The following NOTCH1 variants were observed in gnomAD, a reference collection of about 807,000 sequenced individuals.
NOTCH1 encodes the protein neurogenic locus notch homolog protein 1.
NOTCH1 carries 37 observed loss-of-function variants against 254.8 expected under a neutral mutation model. That is an observed-to-expected ratio of 0.15 (90% CI 0.11 to 0.19). NOTCH1 has a LOEUF of 0.19. NOTCH1 is among the 10% of genes least tolerant of loss of function. The pLI, the probability that NOTCH1 is intolerant of heterozygous loss-of-function variation, is 1.00. For synonymous variants in NOTCH1, 1,731 were observed against 1,618.1 expected (o/e 1.07, Z -1.68); for missense variants, 2,972 against 3,708.6 (o/e 0.80, Z 5.16).
chr9:136,521,686 T>C (rs933782096), intron 4 of NOTCH1, among the ~76,000 whole-genome samples: 4 of 151,896 alleles, frequency 2.6e-5, no homozygotes, highest in Non-Finnish European at 4.4e-5. Flanking sequence ...GGCCAGGGAG[T>C]GTCTGTCCCC....
rs2133377659 is a variant in NOTCH1, at chr9:136,523,035, G to A, written c.557C>T (p.Pro186Leu). 3 of 1,554,318 alleles carry A rather than the reference G, an allele frequency of 1.9e-6. No homozygotes were observed. Among genetic ancestry groups the A allele is most frequent in the Non-Finnish European group, 1.7e-6 (2 of 1,149,400 alleles). ...RQDVNECGQK[P>L]GLCRHGGTCH... Reference sequence around the variant, plus strand: ...GGTGCCTCCGTGGCGGCAAAGCCCGGGCTTCTGGCCACACTCGTTGACATC... The same window carrying A: ...GGTGCCTCCGTGGCGGCAAAGCCCGAGCTTCTGGCCACACTCGTTGACATC... Residue 186 changes from proline (P) to leucine (L), a missense_variant, in exon 4 of 34, where the codon CCC becomes CTC. Physicochemically the swap from Pro to Leu is moderately conservative, Grantham distance 98. Around this residue, in one of 8 missense-constraint regions of NOTCH1, gnomAD observed 374 missense variants for 496.3 expected, o/e 0.75. Coordinates refer to ENST00000651671, the MANE Select transcript of NOTCH1 (RefSeq NM_017617.5).
intron 33 of NOTCH1, among the ~76,000 whole-genome samples, chr9:136,498,262 C>T (rs1214214434): frequency 1.1e-5 from 1 of 94,032 alleles, no homozygotes; most frequent in African/African-American, 4.3e-5. Flanking sequence ...GTTCTGGCGG[C>T]AGGGAGGTGG....
intron 22 of NOTCH1, 72 bp from the exon 23 acceptor site, chr9:136,507,045 G>C: frequency 4.5e-6 from 7 of 1,564,066 alleles, no homozygotes; most frequent in African/African-American, 1.4e-5. Flanking sequence ...TGTCCGTCCC[G>C]GAAGACGAGC....
chr9:136,535,834 G>T, intron 2 of NOTCH1, among the ~76,000 whole-genome samples: 1 of 118,076 alleles, frequency 8.5e-6, no homozygotes, highest in Non-Finnish European at 1.8e-5. Flanking sequence ...GGTGGGTGGA[G>T]GGGGGATCAC....
At chr9:136,531,221 C>G (rs1167583892) in intron 2 of NOTCH1, among the ~76,000 whole-genome samples, 2 of 152,252 alleles carry the variant, frequency 1.3e-5, no homozygotes, top group African/African-American at 2.4e-5. Context: ...TTTCCAAGCT[C>G]TGTCTCATGG....
intron 26 of NOTCH1, 138 bp downstream of exon 26, chr9:136,504,535 C>T: frequency 5.0e-6 from 5 of 1,004,938 alleles, no homozygotes; most frequent in Non-Finnish European, 7.1e-6. Flanking sequence ...CCCAGGTCCT[C>T]TCGGAACCTC....
chr9:136,536,372 C>T (rs550912742), intron 2 of NOTCH1, among the ~76,000 whole-genome samples: 1 of 152,312 alleles, frequency 6.6e-6, no homozygotes, highest in South Asian at 2.1e-4. Context: ...TCTCCTGTCA[C>T]ACGGGCCTGG....
intron 13 of NOTCH1, 43 bp downstream of exon 13, chr9:136,514,467 G>A (rs1255624321): frequency 1.3e-6 from 2 of 1,538,958 alleles, no homozygotes; most frequent in Non-Finnish European, 1.7e-6. Context: ...GAGCTCCCAG[G>A]GTTTAGGACT....
chr9:136,537,345 G>C (rs1354274986), intron 2 of NOTCH1, among the ~76,000 whole-genome samples: 1 of 152,194 alleles, frequency 6.6e-6, no homozygotes, highest in Non-Finnish European at 1.5e-5. Flanking sequence ...CACGCTCAGT[G>C]AAAGAAGCCA....
chr9:136,508,833 C>G lies in NOTCH1; in HGVS notation c.3171+37G>C, dbSNP rs1242066653. ...CCCGCAGGTAGGCACCCACCCAGGG[C>G]CCCTCCTTCGGGCACCTCTGTGGCC... On this transcript the variant is annotated intron_variant, in intron 19 of 33. Transcript: ENST00000651671. 3 of 1,520,880 alleles carry G rather than the reference C, an allele frequency of 2.0e-6. No homozygotes were observed. The African/African-American group carries it at 4.1e-5, about 21-fold the overall frequency. 94.2% of individuals were successfully genotyped at this position (1,520,880 alleles called of 1,614,324 possible). A position where few individuals can be genotyped will look rare whatever the true frequency, so the allele number is the denominator to read the frequency against.
At position 136,503,340 on chromosome 9, in the gene NOTCH1, C is replaced by A. The variant is rs748043575; in HGVS notation, c.5019-10G>T. On this transcript the variant is annotated splice_polypyrimidine_tract_variant and intron_variant, in intron 26 of 33. Coordinates refer to ENST00000651671, the MANE Select transcript of NOTCH1 (RefSeq NM_017617.5). ...CAGGTAGACGATGGAGCTGGGCGGA[C>A]AATCAGAGAGGGGCTGGGACCCGAG... 2.5e-6 allele frequency: 4 copies of A among 1,611,456 alleles called. No individual in the cohort carries two copies. Among genetic ancestry groups the A allele is most frequent in the Middle Eastern group, 1.7e-4 (1 of 6,046 alleles).
In NOTCH1 at chr9:136,507,397, A is replaced by G. The variant is rs1843105924; in HGVS notation, c.3551T>C (p.Ile1184Thr). The G allele has an allele frequency of 1.2e-6, 2 of 1,611,526 alleles. No individual in the cohort carries two copies. Among genetic ancestry groups the G allele is most frequent in the Non-Finnish European group, 1.7e-6 (2 of 1,179,462 alleles). The change falls in exon 22 of 34, where the codon ATC becomes ACC. Residue 1184 changes from isoleucine (I) to threonine (T), a missense_variant. Physicochemically the swap from Ile to Thr is moderately conservative, Grantham distance 89. This residue lies in a region of NOTCH1 where 1,343 missense variants were observed against 1,557.0 expected (regional missense o/e 0.86). Transcript: ENST00000651671. Reference protein sequence around the residue: ...GYHGVNCSEEIDECLSHPCQN... With the variant: ...GYHGVNCSEETDECLSHPCQN... ...GCAGGGGTGGGAGAGGCACTCGTCG[A>G]TCTCCTCAGAGCAGTTCACCCCGTG...
chr9:136,507,209 G>C, intron 22 of NOTCH1, 96 bp downstream of exon 22: 1 of 1,593,516 alleles, frequency 6.3e-7, no homozygotes, highest in Non-Finnish European at 8.6e-7. Context: ...GTTTCTGGCT[G>C]GTTCCTGGAT....
At chr9:136,541,870 G>C (rs1458134318) in intron 2 of NOTCH1, among the ~76,000 whole-genome samples, 1 of 152,242 alleles carries the variant, frequency 6.6e-6, no homozygotes, top group African/African-American at 2.4e-5. Flanking sequence ...CTTGTGGGGT[G>C]TGCACAATGG....
chr9:136,508,210 C>T, intron 20 of NOTCH1, 22 bp downstream of exon 20: 2 of 1,609,704 alleles, frequency 1.2e-6, no homozygotes, highest in Non-Finnish European at 8.5e-7. Flanking sequence ...GGGACCCGAG[C>T]TGGGTGGGCA....
At chr9:136,534,419 G>C (rs1042488115) in intron 2 of NOTCH1, among the ~76,000 whole-genome samples, 2 of 152,186 alleles carry the variant, frequency 1.3e-5, no homozygotes, top group African/African-American at 2.4e-5. Flanking sequence ...CTGCCAATTA[G>C]AGCAAGGTCG....
chr9:136,508,421 C>T (rs2133347882), intron 19 of NOTCH1, 36 bp from the exon 20 acceptor site: 2 of 1,612,594 alleles, frequency 1.2e-6, no homozygotes, highest in Non-Finnish European at 1.7e-6. Flanking sequence ...GTGCCCGCGC[C>T]CCGGCCATTT....
chr9:136,509,275 T>G (rs1394893207), intron 18 of NOTCH1, among the ~76,000 whole-genome samples: 3 of 152,162 alleles, frequency 2.0e-5, no homozygotes. Context: ...CTCCCTCCCC[T>G]GCTTTCTTTA....
rs1589053221 is a variant in NOTCH1 at position 136,497,151 on chromosome 9, C to T, written c.6588G>A (p.Met2196Ile). The change falls in exon 34 of 34, where the codon ATG becomes ATA. Residue 2196 changes from methionine (M) to isoleucine (I), a missense_variant. Met to Ile is a conservative substitution (Grantham distance 10, BLOSUM62 1). Coordinates refer to ENST00000651671, the MANE Select transcript of NOTCH1 (RefSeq NM_017617.5). ...ACTCCAGGGAGTCCACGGGCGAGAG[C>T]ATGCCGGAGCTGTCCAGCAGGCAGC... Reference protein sequence around the residue: ...GKGCLLDSSGMLSPVDSLESP... With the variant: ...GKGCLLDSSGILSPVDSLESP... 6.2e-7 allele frequency: 1 copy of T among 1,612,738 alleles called. No individual in the cohort carries two copies. Among genetic ancestry groups the T allele is most frequent in the Non-Finnish European group, 8.5e-7 (1 of 1,179,928 alleles).
Sources: allele counts gnomAD v4.1 joint callset (sites outside exome capture counted in the v4.1 genomes callset), GRCh38; gene constraint gnomAD v4.1.1; regional missense constraint gnomAD v4.1.1; transcripts MANE v1.5; gene names NCBI Gene and HGNC (gene_info 2026-07-23, HGNC 2026-07-21).